Variants in NAALADL2 observed in about 807,000 individuals in gnomAD.
NAALADL2 encodes the protein inactive N-acetylated-alpha-linked acidic dipeptidase-like protein 2.
NAALADL2 carries 76 observed loss-of-function variants against 87.2 expected under a neutral mutation model. The observed-to-expected ratio is 0.87, with a 90% CI of 0.72 to 1.05. NAALADL2 has a LOEUF of 1.05. NAALADL2 is among the 50% of genes least tolerant of loss of function. NAALADL2 has a pLI of 0.00. For synonymous variants in NAALADL2, 354 were observed against 331.0 expected, an observed-to-expected ratio of 1.07 and a Z score of -0.75; for missense variants, 1,089 against 945.8, an observed-to-expected ratio of 1.15 and a Z score of -1.99.
intron 1 of NAALADL2, among the ~76,000 whole-genome samples, chr3:174,485,455 C>A (rs1267980565): frequency 6.6e-6 from 1 of 151,730 alleles, no homozygotes; most frequent in African/African-American, 2.4e-5. Context: ...ACCCACCCCC[C>A]TCTCTCTGAT....
chr3:174,920,765 AC>A (rs1735062310), intron 1 of NAALADL2, among the ~76,000 whole-genome samples: 1 of 152,084 alleles, frequency 6.6e-6, no homozygotes, highest in Non-Finnish European at 1.5e-5. Flanking sequence ...TGCTTTCCTC[AC>A]TAAGTTTAAT....
chr3:175,639,287 C>A (rs1261678175), intron 11 of NAALADL2, among the ~76,000 whole-genome samples: 5 of 150,624 alleles, frequency 3.3e-5, no homozygotes, highest in Non-Finnish European at 7.4e-5. Flanking sequence ...CTAGCTTCTG[C>A]CCACAGCAGT....
chr3:175,124,184 G>C (rs565647551), intron 2 of NAALADL2, among the ~76,000 whole-genome samples: 3 of 152,020 alleles, frequency 2.0e-5, no homozygotes, highest in South Asian at 4.1e-4. Flanking sequence ...AGCTATTTGG[G>C]CATGATCAAA....
chr3:174,919,518 AT>A (rs1734857693), intron 1 of NAALADL2, among the ~76,000 whole-genome samples: 1 of 152,122 alleles, frequency 6.6e-6, no homozygotes, highest in African/African-American at 2.4e-5. Flanking sequence ...GATTTGAGCA[AT>A]TCAGTCATCT....
intron 2 of NAALADL2, among the ~76,000 whole-genome samples, chr3:174,621,416 A>G (rs1238478596): frequency 6.6e-6 from 1 of 152,154 alleles, no homozygotes; most frequent in East Asian, 1.9e-4. Flanking sequence ...CTTAGAGCTA[A>G]GATTTAACTA....
intron 1 of NAALADL2, among the ~76,000 whole-genome samples, chr3:175,056,434 G>A (rs1712186200): frequency 6.6e-6 from 1 of 152,098 alleles, no homozygotes; most frequent in Non-Finnish European, 1.5e-5. Flanking sequence ...CTACAGCTTA[G>A]TTTTCCACAT....
At chr3:175,481,895 A>G (rs1726528158) in intron 9 of NAALADL2, among the ~76,000 whole-genome samples, 1 of 151,962 alleles carries the variant, frequency 6.6e-6, no homozygotes, top group Non-Finnish European at 1.5e-5. Context: ...AACCTACGGT[A>G]AAAGAAATCG....
At chr3:174,750,675 C>T (rs1734737888) in intron 3 of NAALADL2, among the ~76,000 whole-genome samples, 1 of 152,112 alleles carries the variant, frequency 6.6e-6, no homozygotes, top group African/African-American at 2.4e-5. Flanking sequence ...CTCTGGTGAT[C>T]CACCCGTCTC....
intron 4 of NAALADL2, among the ~76,000 whole-genome samples, chr3:175,310,527 T>C (rs996683878): frequency 6.6e-6 from 1 of 152,088 alleles, no homozygotes; most frequent in African/African-American, 2.4e-5. Context: ...TTATACTTAT[T>C]AGTTATTATC....
chr3:175,567,503 G>T (rs76757744), intron 9 of NAALADL2, among the ~76,000 whole-genome samples: 4,467 of 151,942 alleles, frequency 0.029, 266 homozygotes, highest in African/African-American at 0.1. Flanking sequence ...CAAGATTAAG[G>T]TCGTATAAAT....
intron 2 of NAALADL2, among the ~76,000 whole-genome samples, chr3:174,564,277 T>C (rs1713973594): frequency 6.6e-6 from 1 of 152,250 alleles, no homozygotes; most frequent in South Asian, 2.1e-4. Flanking sequence ...AGGCTCTGGA[T>C]TGGTTTACAT....
At chr3:175,203,967 G>T (rs544850390) in intron 2 of NAALADL2, among the ~76,000 whole-genome samples, 71 of 152,176 alleles carry the variant, frequency 4.7e-4, no homozygotes, top group African/African-American at 1.6e-3. Flanking sequence ...ATTACCAACA[G>T]AAAAAAGGCC....
intron 2 of NAALADL2, among the ~76,000 whole-genome samples, chr3:175,185,962 A>G (rs982561724): frequency 1.3e-5 from 2 of 151,882 alleles, no homozygotes; most frequent in Non-Finnish European, 2.9e-5. Flanking sequence ...TCTACATTAT[A>G]TTTATTGGGT....
Position 175,097,012 on chromosome 3 carries a change from C to T in NAALADL2, c.266C>T (p.Pro89Leu), listed in dbSNP as rs775589248. The T allele has an allele frequency of 1.9e-6, 3 of 1,613,526 alleles. No individual in the cohort carries two copies. The highest frequency in any genetic ancestry group is 2.5e-6 in the Non-Finnish European group (3 of 1,179,668). The change falls in exon 2 of 14, where the codon CCA (proline) becomes CTA (leucine). Residue 89 changes from proline to leucine, a missense_variant. By Grantham distance (98) the Pro-to-Leu change is moderately conservative (BLOSUM62 -3). Transcript: ENST00000454872. ...GACCTCAATCTTGATTCCATTCAAC[C>T]AGCAACTTCACCCAAAGGAAGGTTC... is the stretch of plus-strand genomic sequence containing the variant. The part of the protein sequence containing the change: ...TIDLNLDSIQ[P>L]ATSPKGRFQR...
At chr3:174,955,423 T>G (rs1234149109) in intron 1 of NAALADL2, among the ~76,000 whole-genome samples, 1 of 152,112 alleles carries the variant, frequency 6.6e-6, no homozygotes. Flanking sequence ...CTCTTCAAGT[T>G]TTTCCTTAAA....
intron 2 of NAALADL2, among the ~76,000 whole-genome samples, chr3:174,614,861 A>C (rs1024690402): frequency 3.3e-5 from 5 of 152,082 alleles, no homozygotes; most frequent in African/African-American, 1.2e-4. Context: ...ATCTGAATTA[A>C]TCTCCTGAAG....
intron 1 of NAALADL2, among the ~76,000 whole-genome samples, chr3:174,883,645 A>G (rs976388164): frequency 2.0e-5 from 3 of 152,196 alleles, no homozygotes; most frequent in Non-Finnish European, 4.4e-5. Context: ...ACTCATGACA[A>G]TTACAGCCCT....
chr3:174,543,218 A>G (rs895710945), intron 1 of NAALADL2, among the ~76,000 whole-genome samples: 8 of 152,140 alleles, frequency 5.3e-5, no homozygotes, highest in Admixed American at 5.2e-4. Context: ...TAATAATATC[A>G]TCTTCTGAGG....
At chr3:174,557,499 CT>C (rs894117791) in intron 2 of NAALADL2, among the ~76,000 whole-genome samples, 7 of 151,874 alleles carry the variant, frequency 4.6e-5, no homozygotes, top group Non-Finnish European at 1.0e-4. Flanking sequence ...TTCTTGAATT[CT>C]TTTTTTGCAA....
Sources: gnomAD v4.1 joint callset for allele counts (sites outside exome capture counted in the v4.1 genomes callset) on GRCh38, gnomAD v4.1.1 for gene constraint, MANE v1.5 for transcripts, NCBI Gene and HGNC (gene_info 2026-07-23, HGNC 2026-07-21) for gene names.